MAPDA: variants seen among roughly 807,000 people sequenced by gnomAD.
MAPDA encodes N6-Methyl-AMP deaminase, also known as N6,N6-dimethyl-AMP deaminase.
chr15:43,353,965 A>G, the MAPDA span: 4 of 152,096 alleles, frequency 2.6e-5, no homozygotes, highest in African/African-American at 9.7e-5. Flanking sequence ...GGGAACCCTG[A>G]TTTATAGGTT....
At chr15:43,332,922 T>TGGCATGCTGTTGTTGGTATCCATGTTTTA in the MAPDA span, among the ~76,000 whole-genome samples, 2 of 152,208 alleles carry the variant, frequency 1.3e-5, no homozygotes, top group Non-Finnish European at 2.9e-5. Flanking sequence ...AAATTTGTCA[T>TGGCATGCTGTTGTTGGTATCCATGTTTTA]GGCATGCTGT....
At chr15:43,353,639 T>G in the MAPDA span, 1 of 152,180 alleles carries the variant, frequency 6.6e-6, no homozygotes, top group South Asian at 2.1e-4. Flanking sequence ...CCCAAACTCT[T>G]GGGAGAAGGG....
At chr15:43,340,290 T>G in the MAPDA span, 1 of 1,614,086 alleles carries the variant, frequency 6.2e-7, no homozygotes, top group Non-Finnish European at 8.5e-7. Flanking sequence ...ATAAAAGAAT[T>G]TGCAGATGAC....
At chr15:43,351,987 A>C in the MAPDA span, 45 of 1,520,584 alleles carry the variant, frequency 3.0e-5, no homozygotes, top group African/African-American at 5.4e-4. Flanking sequence ...TGTTTCAATC[A>C]AGTTCCTGCC....
chr15:43,336,536 A>G, the MAPDA span: 39 of 925,070 alleles, frequency 4.2e-5, 1 homozygote, highest in South Asian at 5.6e-4. Flanking sequence ...ATATAAATAT[A>G]TATTTACTAT....
the MAPDA span, chr15:43,336,545 A>G: frequency 9.6e-7 from 1 of 1,045,930 alleles, no homozygotes; most frequent in Non-Finnish European, 1.4e-6. Context: ...TATATTTACT[A>G]TTAGCCTAAA....
At chr15:43,330,443 G>T in the MAPDA span, 1 of 1,552,316 alleles carries the variant, frequency 6.4e-7, no homozygotes, top group Non-Finnish European at 8.6e-7. Flanking sequence ...GCTGTCGTTG[G>T]TGTTCTGTAC....
the MAPDA span, among the ~76,000 whole-genome samples, chr15:43,347,606 A>G: frequency 1.3e-5 from 2 of 152,230 alleles, no homozygotes; most frequent in African/African-American, 4.8e-5. Flanking sequence ...CACTTTCTTA[A>G]GCACATCCTT....
the MAPDA span, chr15:43,335,779 C>T: frequency 1.9e-5 from 30 of 1,613,850 alleles, no homozygotes; most frequent in African/African-American, 6.7e-5. Flanking sequence ...TTAAAATCCA[C>T]GATCAGATGA....
chr15:43,336,112 G>T, the MAPDA span, among the ~76,000 whole-genome samples: 1 of 152,212 alleles, frequency 6.6e-6, no homozygotes, highest in Admixed American at 6.5e-5. Flanking sequence ...CGTGACCACA[G>T]ATCACTGCTG....
chr15:43,335,274 C>A, the MAPDA span: 1 of 1,240,716 alleles, frequency 8.1e-7, no homozygotes, highest in Non-Finnish European at 1.2e-6. Flanking sequence ...GTGGCTCATG[C>A]CTGAAATTCT....
the MAPDA span, chr15:43,347,053 A>G: frequency 1.2e-6 from 2 of 1,613,948 alleles, no homozygotes; most frequent in Non-Finnish European, 1.7e-6. Flanking sequence ...CCTCTTTTAG[A>G]AGCTAAGAAA....
chr15:43,330,814 A>C, the MAPDA span: 1 of 250,646 alleles, frequency 4.0e-6, no homozygotes, highest in South Asian at 1.4e-4. Context: ...TTCCAGTCAA[A>C]AGGGAAACCT....
At chr15:43,343,413 T>A in the MAPDA span, among the ~76,000 whole-genome samples, 1 of 152,202 alleles carries the variant, frequency 6.6e-6, no homozygotes, top group Non-Finnish European at 1.5e-5. Flanking sequence ...CCCTTACACG[T>A]GGGCCTGCTG....
chr15:43,331,005 T>C, the MAPDA span: 1 of 152,404 alleles, frequency 6.6e-6, no homozygotes, highest in East Asian at 1.9e-4. Context: ...ATTTATTTAA[T>C]GCTCTCACAG....
the MAPDA span, among the ~76,000 whole-genome samples, chr15:43,348,141 A>C: frequency 6.6e-6 from 1 of 152,290 alleles, no homozygotes; most frequent in South Asian, 2.1e-4. Context: ...TGTTCTGAGC[A>C]TTTGTGTTTT....
At chr15:43,344,126 G>C in the MAPDA span, among the ~76,000 whole-genome samples, 1 of 152,030 alleles carries the variant, frequency 6.6e-6, no homozygotes, top group African/African-American at 2.4e-5. Context: ...CCTCTCTAAA[G>C]AGCAATATAT....
At chr15:43,340,431 A>G in the MAPDA span, 1 of 1,186,740 alleles carries the variant, frequency 8.4e-7, no homozygotes, top group Non-Finnish European at 1.2e-6. Context: ...GAGTGGGAAT[A>G]TGAAGCACTA....
At chr15:43,340,921 G>A in the MAPDA span, among the ~76,000 whole-genome samples, 46 of 152,202 alleles carry the variant, frequency 3.0e-4, no homozygotes, top group Admixed American at 1.7e-3. Flanking sequence ...CCATTGAGTG[G>A]ATGCAGAATC....
Sources: allele counts gnomAD v4.1 joint callset (sites outside exome capture counted in the v4.1 genomes callset), GRCh38; gene constraint gnomAD v4.1.1; transcripts MANE v1.5; gene names NCBI Gene and HGNC (gene_info 2026-07-23, HGNC 2026-07-21).